Variants in BLTP1 observed in about 807,000 individuals in gnomAD.
BLTP1 encodes the protein bridge-like lipid transfer protein family member 1.
the BLTP1 span, chr4:122,355,787 T>G: frequency 6.3e-7 from 1 of 1,587,104 alleles, no homozygotes; most frequent in South Asian, 1.1e-5. Context: ...TTTATCATTA[T>G]GCATGTAGAG....
chr4:122,273,467 T>C, the BLTP1 span: 1 of 978,006 alleles, frequency 1.0e-6, no homozygotes, highest in Non-Finnish European at 1.2e-6. Context: ...ACACAAATGC[T>C]CAGATGTCTA....
At chr4:122,157,768 G>A in the BLTP1 span, among the ~76,000 whole-genome samples, 1 of 152,046 alleles carries the variant, frequency 6.6e-6, no homozygotes, top group South Asian at 2.1e-4. Context: ...AGCTTTTTTT[G>A]TCATAGTCAC....
the BLTP1 span, chr4:122,349,460 T>C: frequency 6.3e-7 from 1 of 1,582,940 alleles, no homozygotes; most frequent in Non-Finnish European, 8.6e-7. This position sits in a 1 kb window ranked among gnomAD's most constrained non-coding sequence, Gnocchi z 4.5. Context: ...CTCATATTTC[T>C]GAACATCCAA....
the BLTP1 span, among the ~76,000 whole-genome samples, chr4:122,268,737 G>A: frequency 6.6e-6 from 1 of 152,040 alleles, no homozygotes; most frequent in Non-Finnish European, 1.5e-5. Context: ...AAAATGTTAT[G>A]GGGATTTATT....
chr4:122,230,248 T>C, the BLTP1 span: 2 of 1,562,746 alleles, frequency 1.3e-6, no homozygotes, highest in East Asian at 4.5e-5. Flanking sequence ...TAGTCTCCTG[T>C]TCAGATGAAA....
At chr4:122,189,562 A>G in the BLTP1 span, 4 of 771,758 alleles carry the variant, frequency 5.2e-6, no homozygotes, top group African/African-American at 5.7e-5. Flanking sequence ...GATACTTATT[A>G]GTTATTAATA....
At chr4:122,243,734 C>A in the BLTP1 span, 3 of 1,210,772 alleles carry the variant, frequency 2.5e-6, no homozygotes, top group South Asian at 2.7e-5. Flanking sequence ...AAAAAAAAGT[C>A]AAGTCCAATT....
chr4:122,192,517 A>C, the BLTP1 span: 1 of 618,948 alleles, frequency 1.6e-6, no homozygotes, highest in Non-Finnish European at 2.6e-6. Flanking sequence ...TTTTGATCCA[A>C]AGAAAAACTT....
At chr4:122,277,355 A>T in the BLTP1 span, 1 of 657,390 alleles carries the variant, frequency 1.5e-6, no homozygotes, top group Non-Finnish European at 1.9e-6. Context: ...CAAATAATGT[A>T]TGTGAGGGTG....
At chr4:122,226,915 T>G in the BLTP1 span, 1 of 1,073,730 alleles carries the variant, frequency 9.3e-7, no homozygotes, top group Non-Finnish European at 1.3e-6. Flanking sequence ...CAGCTTCAAG[T>G]CAAATACACA....
chr4:122,174,819 T>G, the BLTP1 span, among the ~76,000 whole-genome samples: 1 of 152,150 alleles, frequency 6.6e-6, no homozygotes, highest in East Asian at 1.9e-4. Context: ...TTTAAAATAT[T>G]TTGTCAGTGG....
chr4:122,277,803 T>G, the BLTP1 span: 3 of 820,686 alleles, frequency 3.7e-6, no homozygotes, highest in South Asian at 1.1e-4. Context: ...TTAAGAAGTA[T>G]AGTGAATATT....
At chr4:122,311,471 T>G in the BLTP1 span, among the ~76,000 whole-genome samples, 1 of 152,140 alleles carries the variant, frequency 6.6e-6, no homozygotes, top group Non-Finnish European at 1.5e-5. Context: ...GCTTATAGTT[T>G]TTATTAGTAA....
At chr4:122,359,920 T>C in the BLTP1 span, 1 of 985,404 alleles carries the variant, frequency 1.0e-6, no homozygotes, top group Non-Finnish European at 1.2e-6. Flanking sequence ...AGTACAAATG[T>C]TGAGAATAGC....
At chr4:122,208,022 TTATC>T in the BLTP1 span, 1 of 985,206 alleles carries the variant, frequency 1.0e-6, no homozygotes, top group Non-Finnish European at 1.2e-6. Flanking sequence ...TTTCTTCCTT[TTATC>T]TGAATGCCAG....
the BLTP1 span, chr4:122,208,712 A>G: frequency 1.1e-6 from 1 of 931,210 alleles, no homozygotes; most frequent in Non-Finnish European, 1.3e-6. Context: ...TAGTCAATGT[A>G]AAATCTTATT....
At chr4:122,327,861 A>G in the BLTP1 span, 1 of 206,084 alleles carries the variant, frequency 4.9e-6, no homozygotes, top group African/African-American at 2.4e-5. Flanking sequence ...ACAGTAATAT[A>G]TGTTTATATT....
the BLTP1 span, chr4:122,188,259 C>G: frequency 1.6e-6 from 1 of 622,064 alleles, no homozygotes; most frequent in Non-Finnish European, 2.0e-6. Context: ...AATGGATATG[C>G]TATCCAGTGA....
chr4:122,188,959 T>C, the BLTP1 span: 12 of 985,174 alleles, frequency 1.2e-5, no homozygotes, highest in Non-Finnish European at 1.4e-5. Flanking sequence ...TTTTTGAGTA[T>C]CGCGGTGACT....
Sources: allele counts gnomAD v4.1 joint callset (sites outside exome capture counted in the v4.1 genomes callset), GRCh38; gene constraint gnomAD v4.1.1; non-coding constraint Gnocchi (gnomAD v3.1); transcripts MANE v1.5; gene names NCBI Gene and HGNC (gene_info 2026-07-23, HGNC 2026-07-21).